The following WDR72 variants were observed in gnomAD, a reference collection of about 807,000 sequenced individuals.
WDR72 encodes WD repeat-containing protein 72.
Under a neutral mutation model 124.2 loss-of-function variants are expected in WDR72, and 120 were observed. That is an observed-to-expected ratio of 0.97 (90% CI 0.83 to 1.12). The LOEUF (loss-of-function observed/expected upper bound fraction) is 1.12. WDR72 is among the 50% of genes most tolerant of loss of function. The pLI is 0.00. For synonymous variants in WDR72, 452 were observed against 441.7 expected (o/e 1.02, Z -0.29); for missense variants, 1,387 against 1,278.8 (o/e 1.08, Z -1.29).
intron 14 of WDR72, among the ~76,000 whole-genome samples, chr15:53,643,921 T>C (rs367713311): frequency 2.6e-5 from 4 of 152,182 alleles, no homozygotes; most frequent in East Asian, 1.9e-4. Context: ...AAGACTATTT[T>C]ATCCATGAAA....
At chr15:53,705,538 C>T (rs765456967) in intron 10 of WDR72, among the ~76,000 whole-genome samples, 2 of 152,172 alleles carry the variant, frequency 1.3e-5, no homozygotes, top group Admixed American at 6.5e-5. Flanking sequence ...TCTCGGCTCA[C>T]CGCAACCTCC....
chr15:53,582,503 C>G (rs1265294956), intron 18 of WDR72, among the ~76,000 whole-genome samples: 1 of 151,744 alleles, frequency 6.6e-6, no homozygotes, highest in Non-Finnish European at 1.5e-5. Context: ...CATTCTCTGA[C>G]AAAATATACA....
chr15:53,600,163 A>T (rs1444107539), intron 17 of WDR72, among the ~76,000 whole-genome samples: 1 of 152,186 alleles, frequency 6.6e-6, no homozygotes, highest in Non-Finnish European at 1.5e-5. Flanking sequence ...AGTGGAATTG[A>T]AATAGATTCT....
At chr15:53,735,787 C>A (rs2018336458) in intron 1 of WDR72, among the ~76,000 whole-genome samples, 1 of 151,778 alleles carries the variant, frequency 6.6e-6, no homozygotes, top group South Asian at 2.1e-4. Context: ...AGTGAACAAT[C>A]TAAAACATAT....
At chr15:53,690,542 C>T (rs367891679) in intron 13 of WDR72, among the ~76,000 whole-genome samples, 13 of 152,266 alleles carry the variant, frequency 8.5e-5, no homozygotes, top group African/African-American at 3.1e-4. Context: ...ACAATATGTG[C>T]ATTTTTGTGT....
upstream of WDR72, among the ~76,000 whole-genome samples, chr15:53,762,174 T>C (rs527966498): frequency 6.6e-6 from 1 of 152,186 alleles, no homozygotes; most frequent in Non-Finnish European, 1.5e-5. Context: ...TTAAGGATAT[T>C]TGGCCAGGCC....
At position 53,712,771 on chromosome 15, in the gene WDR72, C is replaced by T. The variant is rs967914837; in HGVS notation, c.711+1G>A. 6.2e-7 allele frequency: 1 copy of T among 1,611,750 alleles called. No homozygotes were observed. Among genetic ancestry groups the T allele is most frequent in the Non-Finnish European group, 8.5e-7 (1 of 1,178,412 alleles). On this transcript the variant is annotated splice_donor_variant, in intron 7 of 19. Transcript: ENST00000360509. LOFTEE classifies it high-confidence loss of function. The stretch of plus-strand genomic sequence containing the variant: ...GTATTTATTATGTTACTTTATAATA[C>T]CTTCCAACATTTAGAAAATACCACC...
At chr15:53,585,029 C>T (rs545833431) in intron 18 of WDR72, among the ~76,000 whole-genome samples, 1 of 151,980 alleles carries the variant, frequency 6.6e-6, no homozygotes. Context: ...CCCTAAAAAT[C>T]ATTTACTCTT....
At chr15:53,669,813 T>C (rs1246501198) in intron 13 of WDR72, among the ~76,000 whole-genome samples, 1 of 152,238 alleles carries the variant, frequency 6.6e-6, no homozygotes, top group African/African-American at 2.4e-5. Context: ...ACAGAATAGC[T>C]ACTGTTTCCA....
At chr15:53,678,121 G>A (rs1470475110) in intron 13 of WDR72, among the ~76,000 whole-genome samples, 1 of 152,166 alleles carries the variant, frequency 6.6e-6, no homozygotes, top group Non-Finnish European at 1.5e-5. Flanking sequence ...ATACAGAGAA[G>A]AGAACTGAAG....
chr15:53,653,456 A>T (rs2015310488), intron 14 of WDR72, among the ~76,000 whole-genome samples: 1 of 152,220 alleles, frequency 6.6e-6, no homozygotes, highest in Admixed American at 6.5e-5. Flanking sequence ...ACTTGAAGGT[A>T]TAGAATTGAG....
At chr15:53,551,143 A>C (rs542198361) in intron 18 of WDR72, among the ~76,000 whole-genome samples, 47 of 152,172 alleles carry the variant, frequency 3.1e-4, no homozygotes, top group African/African-American at 1.1e-3. Flanking sequence ...AGATTTGTGA[A>C]GGTTCTGAGG....
chr15:53,617,938 T>G (rs1233076882), intron 14 of WDR72, among the ~76,000 whole-genome samples: 1 of 151,964 alleles, frequency 6.6e-6, no homozygotes, highest in Non-Finnish European at 1.5e-5. Flanking sequence ...TCTGGGGTGC[T>G]CACATGTTTT....
chr15:53,664,912 C>T (rs558697625), intron 14 of WDR72, among the ~76,000 whole-genome samples: 40 of 152,068 alleles, frequency 2.6e-4, no homozygotes, highest in Admixed American at 1.4e-3. Context: ...TACATATAAA[C>T]GGCATAGTTA....
chr15:53,653,552 G>A (rs903806376), intron 14 of WDR72, among the ~76,000 whole-genome samples: 9 of 152,140 alleles, frequency 5.9e-5, no homozygotes, highest in African/African-American at 1.9e-4. Flanking sequence ...AAATATCTGG[G>A]TCATGGGACT....
chr15:53,686,825 A>G (rs984829543), intron 13 of WDR72, among the ~76,000 whole-genome samples: 2 of 151,276 alleles, frequency 1.3e-5, no homozygotes, highest in African/African-American at 2.4e-5. Flanking sequence ...AGCTCTCCTC[A>G]GCAAATGTAA....
At chr15:53,610,310 A>G (rs2013484056) in intron 16 of WDR72, among the ~76,000 whole-genome samples, 1 of 152,058 alleles carries the variant, frequency 6.6e-6, no homozygotes, top group South Asian at 2.1e-4. Context: ...GTGCCTTTTC[A>G]TTAATTGAAA....
chr15:53,548,365 G>A (rs750577755), intron 18 of WDR72, among the ~76,000 whole-genome samples: 2 of 152,170 alleles, frequency 1.3e-5, no homozygotes, highest in East Asian at 1.9e-4. Context: ...GGGAGGGCTC[G>A]GGCTCTCAGA....
intron 14 of WDR72, among the ~76,000 whole-genome samples, chr15:53,620,152 C>G (rs1022908728): frequency 3.3e-5 from 5 of 151,700 alleles, no homozygotes; most frequent in Non-Finnish European, 5.9e-5. Flanking sequence ...TAAATATGCA[C>G]AAAATCATAT....
Sources: gnomAD v4.1 joint callset for allele counts (sites outside exome capture counted in the v4.1 genomes callset) on GRCh38, gnomAD v4.1.1 for gene constraint, MANE v1.5 for transcripts, NCBI Gene and HGNC (gene_info 2026-07-23, HGNC 2026-07-21) for gene names.